PIWIL2: variants seen among roughly 807,000 people sequenced by gnomAD.
PIWIL2 encodes piwi-like protein 2.
A neutral mutation model predicts 116.5 loss-of-function variants in PIWIL2; 81 were observed. That is an observed-to-expected ratio of 0.70 (90% CI 0.58 to 0.84). The LOEUF (loss-of-function observed/expected upper bound fraction) is 0.84, where lower values mean the gene tolerates loss of function less well. Ranked by LOEUF, PIWIL2 falls within the 40% of genes least tolerant of loss-of-function variation. The pLI is 0.00. For missense variants in PIWIL2, 1,272 were observed against 1,212.3 expected, an observed-to-expected ratio of 1.05 and a Z score of -0.73; for synonymous variants, 489 against 429.5, an observed-to-expected ratio of 1.14 and a Z score of -1.71.
At chr8:22,314,272 G>A in intron 16 of PIWIL2, 56 bp from the exon 17 acceptor site, 1 of 951,164 alleles carries the variant, frequency 1.1e-6, no homozygotes, top group East Asian at 2.8e-5. Context: ...CTAGAGTCCT[G>A]TAAAAGTCCC....
At chr8:22,328,818 G>GTTTT (rs57027657) in intron 20 of PIWIL2, among the ~76,000 whole-genome samples, 3 of 107,160 alleles carry the variant, frequency 2.8e-5, no homozygotes, top group South Asian at 3.3e-4. Context: ...AGCTCTAGTC[G>GTTTT]TTTTTTTTTT....
At chr8:22,331,826 T>C (rs569732851) in intron 20 of PIWIL2, among the ~76,000 whole-genome samples, 2 of 152,158 alleles carry the variant, frequency 1.3e-5, no homozygotes, top group African/African-American at 4.8e-5. Context: ...CATATTGGAT[T>C]AGGGCCCACC....
chr8:22,345,249 T>A (rs920734499), intron 20 of PIWIL2, among the ~76,000 whole-genome samples: 2 of 152,136 alleles, frequency 1.3e-5, no homozygotes, highest in African/African-American at 4.8e-5. Context: ...TAGTCCTAGG[T>A]ATGTACCCAA....
chr8:22,297,375 C>A (rs1356457666), intron 10 of PIWIL2, among the ~76,000 whole-genome samples: 3 of 152,146 alleles, frequency 2.0e-5, no homozygotes, highest in African/African-American at 4.8e-5. Context: ...TCTACATCGG[C>A]CCCCTAAAGT....
Position 22,279,282 on chromosome 8 carries a change from T to C in PIWIL2, c.-46-59T>C, listed in dbSNP as rs1830445475. The C allele has an allele frequency of 3.4e-6, 3 of 870,886 alleles. No homozygotes were observed. The East Asian group carries it at 7.4e-5, about 21-fold the overall frequency. The allele number at this position is 870,886 out of a possible 1,614,324, so 53.9% of individuals were successfully genotyped here. ...AAATACTATTTTAATGCTTTGTGAG[T>C]GTGTCTTGAAGGAAAAGGAAAACAA... On this transcript the variant is annotated intron_variant, in intron 1 of 22. Coordinates refer to ENST00000356766, the MANE Select transcript of PIWIL2 (RefSeq NM_018068.5).
At chr8:22,277,511 AAG>A (rs745782090) in intron 1 of PIWIL2, among the ~76,000 whole-genome samples, 1 of 152,204 alleles carries the variant, frequency 6.6e-6, no homozygotes, top group Non-Finnish European at 1.5e-5. Flanking sequence ...AGTTTGAAAG[AAG>A]AGAGTTTTTA....
chr8:22,287,467 G>T (rs933291858), intron 6 of PIWIL2, 61 bp from the exon 7 acceptor site: 58 of 1,053,978 alleles, frequency 5.5e-5, no homozygotes, highest in Admixed American at 3.0e-4. Context: ...CTGTTGCACA[G>T]CTCTGGTAAA....
chr8:22,314,298 C>A, intron 16 of PIWIL2, 30 bp from the exon 17 acceptor site: 1 of 1,240,098 alleles, frequency 8.1e-7, no homozygotes, highest in Non-Finnish European at 1.1e-6. Flanking sequence ...AATTCCACAG[C>A]CTGACTTGTA....
chr8:22,323,018 G>T (rs1410678110), intron 20 of PIWIL2, among the ~76,000 whole-genome samples: 1 of 150,708 alleles, frequency 6.6e-6, no homozygotes, highest in Non-Finnish European at 1.5e-5. Context: ...CCCGGTTCAA[G>T]CACTTCTGCC....
intron 10 of PIWIL2, among the ~76,000 whole-genome samples, chr8:22,292,406 A>G (rs1478019779): frequency 6.6e-6 from 1 of 152,228 alleles, no homozygotes; most frequent in African/African-American, 2.4e-5. Flanking sequence ...TGGAGGTGGT[A>G]AGGAGTCAGA....
At chr8:22,309,154 G>A (rs1831263512) in intron 14 of PIWIL2, among the ~76,000 whole-genome samples, 2 of 151,674 alleles carry the variant, frequency 1.3e-5, no homozygotes, top group Admixed American at 1.3e-4. Context: ...TAGAGACGGG[G>A]TTTCACCATC....
chr8:22,326,677 T>G (rs1831732690), intron 20 of PIWIL2, among the ~76,000 whole-genome samples: 1 of 152,240 alleles, frequency 6.6e-6, no homozygotes, highest in Admixed American at 6.5e-5. Flanking sequence ...TAATACTTTT[T>G]TCCTTTTTGT....
chr8:22,277,785 CT>C (rs1830411233), intron 1 of PIWIL2, among the ~76,000 whole-genome samples: 1 of 152,180 alleles, frequency 6.6e-6, no homozygotes. Context: ...AAAGTTAGGA[CT>C]CTTATGTAGG....
intron 20 of PIWIL2, among the ~76,000 whole-genome samples, chr8:22,328,281 T>C (rs1831773926): frequency 6.6e-6 from 1 of 152,232 alleles, no homozygotes; most frequent in African/African-American, 2.4e-5. Flanking sequence ...TTCTATTCCA[T>C]TGGTCTGTGC....
intron 20 of PIWIL2, among the ~76,000 whole-genome samples, chr8:22,339,772 A>G (rs989351036): frequency 6.6e-6 from 1 of 152,228 alleles, no homozygotes; most frequent in African/African-American, 2.4e-5. Context: ...AAGTCTTACA[A>G]CTCAAGAAAA....
chr8:22,276,212 C>A (rs116889947), intron 1 of PIWIL2, among the ~76,000 whole-genome samples: 2 of 152,300 alleles, frequency 1.3e-5, no homozygotes, highest in South Asian at 4.1e-4. Flanking sequence ...TTTGCAAGTT[C>A]CTGAACTGTC....
At chr8:22,296,825 A>C (rs1297632166) in intron 10 of PIWIL2, among the ~76,000 whole-genome samples, 2 of 152,132 alleles carry the variant, frequency 1.3e-5, no homozygotes, top group Non-Finnish European at 2.9e-5. Context: ...TGCCTGAAGA[A>C]CTGCTTGTAA....
intron 20 of PIWIL2, among the ~76,000 whole-genome samples, chr8:22,340,319 A>G (rs1832079686): frequency 6.6e-6 from 1 of 152,142 alleles, no homozygotes; most frequent in East Asian, 1.9e-4. Context: ...GGCCTCCCGA[A>G]GTGCTGGAAT....
In PIWIL2 at chr8:22,287,749, G is replaced by A. The variant is rs1285297683; in HGVS notation, c.861+104G>A. On this transcript the variant is annotated intron_variant, in intron 7 of 22. Coordinates refer to ENST00000356766, the MANE Select transcript of PIWIL2 (RefSeq NM_018068.5). ...AGATTGGGTCTTGCTATGTTGCCCA[G>A]ACTGGTCTCGAATTCCCAAAGCCCT... 8.1e-6 allele frequency: 6 copies of A among 744,180 alleles called. No homozygotes were observed. In the African/African-American group the frequency reaches 8.5e-5, roughly 11 times the overall value. 46.1% of individuals were successfully genotyped at this position (744,180 alleles called of 1,614,324 possible).
Sources: gnomAD v4.1 joint callset for allele counts (sites outside exome capture counted in the v4.1 genomes callset) on GRCh38, gnomAD v4.1.1 for gene constraint, MANE v1.5 for transcripts, NCBI Gene and HGNC (gene_info 2026-07-23, HGNC 2026-07-21) for gene names.